AIG1: variants seen among roughly 807,000 people sequenced by gnomAD.
AIG1 encodes androgen-induced gene 1 protein.
AIG1 carries 23 observed loss-of-function variants against 31.4 expected under a neutral mutation model. That is an observed-to-expected ratio of 0.73 (90% confidence interval 0.53 to 1.04). The LOEUF is 1.04. AIG1 is among the 50% of genes least tolerant of loss of function. The pLI is 0.00. For missense variants in AIG1, 274 were observed against 295.0 expected (o/e 0.93, Z 0.52); for synonymous variants, 100 against 110.5 (o/e 0.90, Z 0.60).
chr6:143,254,189 G>A (rs1795205233), intron 3 of AIG1, among the ~76,000 whole-genome samples: 1 of 152,132 alleles, frequency 6.6e-6, no homozygotes, highest in Non-Finnish European at 1.5e-5. Flanking sequence ...AGAGAGATCT[G>A]GGGAAAATGT....
rs780963737 is a variant in AIG1, at chr6:143,138,644, A to G, written c.297+1654A>G. Reference sequence around the variant, plus strand: ...CGCAGTGGCTCACGCCTGTAATCCCAGCACTTTGGGAGGCCGAGGCGGGCA... The same window carrying G: ...CGCAGTGGCTCACGCCTGTAATCCCGGCACTTTGGGAGGCCGAGGCGGGCA... On this transcript the variant is annotated intron_variant, in intron 2 of 5. Coordinates refer to ENST00000357847, the MANE Select transcript of AIG1 (RefSeq NM_016108.4). 2.4e-4 allele frequency among the ~76,000 whole-genome samples: 36 copies of G among 152,292 alleles called. No homozygotes were observed. In the South Asian group the frequency reaches 2.5e-3, roughly 11 times the overall value.
intron 1 of AIG1, among the ~76,000 whole-genome samples, chr6:143,079,072 G>A (rs1042719831): frequency 1.3e-5 from 2 of 151,944 alleles, no homozygotes; most frequent in African/African-American, 4.8e-5. Context: ...TCACAGTGAG[G>A]CAGCAGGAGA....
At position 143,087,940 on chromosome 6, in the gene AIG1, CATAAAT is replaced by C. The variant is rs1370732870; in HGVS notation, c.141+26879_141+26884del. On this transcript the variant is annotated intron_variant, in intron 1 of 5. Transcript: ENST00000357847. ...ACTGCAGATCTTTCGCCACATATCT[CATAAAT>C]ATAAGTGACTAGCTGTCTTTGGCTT... 2.0e-5 allele frequency among the ~76,000 whole-genome samples: 3 copies of C among 152,282 alleles called. No homozygotes were observed. In the East Asian group the frequency reaches 5.8e-4, roughly 29 times the overall value.
chr6:143,134,727 C>T (rs1028333825), intron 1 of AIG1, among the ~76,000 whole-genome samples: 4 of 151,932 alleles, frequency 2.6e-5, no homozygotes, highest in African/African-American at 7.2e-5. Context: ...TGAAAGTGAT[C>T]GCATTCAATA....
intron 4 of AIG1, among the ~76,000 whole-genome samples, chr6:143,324,496 C>G (rs1042129284): frequency 6.6e-6 from 1 of 152,120 alleles, no homozygotes; most frequent in African/African-American, 2.4e-5. Flanking sequence ...GAGCCCTGTC[C>G]CCATCCATCA....
intron 1 of AIG1, among the ~76,000 whole-genome samples, chr6:143,087,248 G>A (rs183968013): frequency 6.5e-4 from 99 of 152,188 alleles, no homozygotes; most frequent in Middle Eastern, 3.4e-3. Context: ...CAAGATGGTG[G>A]CGGGCTGCTC....
Position 143,247,661 on chromosome 6 carries a change from T to C in AIG1, c.400-36449T>C, listed in dbSNP as rs56312003. Among the ~76,000 whole-genome samples, 1,001 of 152,270 alleles carry C rather than the reference T, an allele frequency of 6.6e-3. 12 individuals carry two copies. Among genetic ancestry groups the C allele is most frequent in the African/African-American group, 0.022 (918 of 41,530 alleles). ...TAAGTTTATTCTTCACTGTTAATAT[T>C]ATTCCCATTTGATAGAGGAAGAAAC... On this transcript the variant is annotated intron_variant, in intron 3 of 5. Coordinates refer to ENST00000357847, the MANE Select transcript of AIG1 (RefSeq NM_016108.4).
chr6:143,153,952 T>A (rs1210253224), intron 2 of AIG1, among the ~76,000 whole-genome samples: 1 of 151,240 alleles, frequency 6.6e-6, no homozygotes, highest in African/African-American at 2.4e-5. Flanking sequence ...CAAAAAATGT[T>A]TAGAGAGGTT....
intron 1 of AIG1, among the ~76,000 whole-genome samples, chr6:143,101,822 T>C (rs907171064): frequency 1.3e-5 from 2 of 152,064 alleles, no homozygotes; most frequent in African/African-American, 4.8e-5. Flanking sequence ...AAATTAATAA[T>C]AATAATAAAA....
At chr6:143,251,165 G>A (rs1377647817) in intron 3 of AIG1, among the ~76,000 whole-genome samples, 1 of 152,140 alleles carries the variant, frequency 6.6e-6, no homozygotes, top group African/African-American at 2.4e-5. Flanking sequence ...CAATTCTTTT[G>A]CCTCAGCCTC....
intron 2 of AIG1, among the ~76,000 whole-genome samples, chr6:143,157,740 A>G (rs947791276): frequency 7.9e-5 from 12 of 152,074 alleles, no homozygotes; most frequent in Non-Finnish European, 1.5e-4. Context: ...TCTATCTTCT[A>G]TCGAATCTCA....
intron 3 of AIG1, among the ~76,000 whole-genome samples, chr6:143,200,288 A>G (rs770432109): frequency 2.0e-5 from 3 of 152,110 alleles, no homozygotes; most frequent in Non-Finnish European, 4.4e-5. Context: ...TTTTTAAGCC[A>G]GTTTTATTGG....
At position 143,334,323 on chromosome 6, in the gene AIG1, C is replaced by T. The variant is rs544864147; in HGVS notation, c.679+878C>T. On this transcript the variant is annotated intron_variant, in intron 5 of 5. Coordinates refer to ENST00000357847, the MANE Select transcript of AIG1 (RefSeq NM_016108.4). The surrounding 1 kb of genome is among the most constrained non-coding windows in gnomAD (Gnocchi z 5.1). ...CAGTAAATGGACTCTGTGACACAGA[C>T]ATTGAGCACCCTGCTTTGTGCCAGA... 6.6e-6 allele frequency among the ~76,000 whole-genome samples: 1 copy of T among 152,252 alleles called. No homozygotes were observed. The highest frequency in any genetic ancestry group is 6.5e-5 in the Admixed American group (1 of 15,286).
At chr6:143,151,379 T>C (rs1785208874) in intron 2 of AIG1, among the ~76,000 whole-genome samples, 1 of 152,244 alleles carries the variant, frequency 6.6e-6, no homozygotes, top group South Asian at 2.1e-4. Flanking sequence ...ATGTTATTGA[T>C]ACAATACCAA....
chr6:143,162,825 G>GGCAT (rs1369995632), intron 2 of AIG1, among the ~76,000 whole-genome samples: 1 of 152,132 alleles, frequency 6.6e-6, no homozygotes, highest in Non-Finnish European at 1.5e-5. Context: ...AATGCCCTGA[G>GGCAT]GCATACTCAT....
downstream of AIG1, among the ~76,000 whole-genome samples, chr6:143,341,588 A>T (rs889978722): frequency 3.3e-5 from 5 of 152,226 alleles, no homozygotes; most frequent in Middle Eastern, 3.2e-3. Context: ...AGGAAAGACC[A>T]TGTGAGGGCA....
intron 4 of AIG1, among the ~76,000 whole-genome samples, chr6:143,310,418 A>G (rs1739207875): frequency 1.3e-5 from 2 of 151,936 alleles, no homozygotes; most frequent in Non-Finnish European, 2.9e-5. Context: ...AGAAGTGGCA[A>G]GAGAAATTTA....
At chr6:143,108,220 C>T (rs1780969817) in intron 1 of AIG1, among the ~76,000 whole-genome samples, 5 of 152,154 alleles carry the variant, frequency 3.3e-5, no homozygotes, top group Admixed American at 2.0e-4. Context: ...AAGCACTAGA[C>T]TCAAATCTGT....
intron 4 of AIG1, among the ~76,000 whole-genome samples, chr6:143,308,329 G>A (rs1300446457): frequency 6.6e-6 from 1 of 152,200 alleles, no homozygotes. Context: ...GACCGGAGCT[G>A]TTCCTGTTCG....
Sources: gnomAD v4.1 joint callset for allele counts (sites outside exome capture counted in the v4.1 genomes callset) on GRCh38, gnomAD v4.1.1 for gene constraint, Gnocchi (gnomAD v3.1) non-coding constraint, MANE v1.5 for transcripts, NCBI Gene and HGNC (gene_info 2026-07-23, HGNC 2026-07-21) for gene names.